SOX5: variants seen among roughly 807,000 people sequenced by gnomAD.
SOX5 encodes transcription factor SOX-5.
A neutral mutation model predicts 92.0 loss-of-function variants in SOX5; 9 were observed. That is an observed-to-expected ratio of 0.10 (90% confidence interval 0.06 to 0.17). SOX5 has a LOEUF of 0.17. Among genes scored for constraint, SOX5 ranks in the 10% least tolerant of loss-of-function variants. The pLI is 1.00. For missense variants in SOX5, 642 were observed against 944.5 expected, an observed-to-expected ratio of 0.68 and a Z score of 4.20; for synonymous variants, 344 against 336.3, an observed-to-expected ratio of 1.02 and a Z score of -0.25.
In SOX5 at chr12:23,702,036, T is replaced by C. The variant is rs149128099; in HGVS notation, c.810+32648A>G. Among the ~76,000 whole-genome samples the C allele has an allele frequency of 5.9e-3, 905 of 152,196 alleles. 8 individuals are homozygous for C. The highest frequency in any genetic ancestry group is 0.023 in the South Asian group (111 of 4,824). On this transcript the variant is annotated intron_variant, in intron 6 of 14. Coordinates refer to ENST00000451604, the MANE Select transcript of SOX5 (RefSeq NM_006940.6). ...GCTAAAATATGAAGAAAGATTTACC[T>C]CATAGAATACAGAGCTGAAAGTCTA...
chr12:23,642,570 T>C (rs979975968), intron 7 of SOX5, among the ~76,000 whole-genome samples: 1 of 152,210 alleles, frequency 6.6e-6, no homozygotes, highest in Non-Finnish European at 1.5e-5. Context: ...AGTCCCTGTA[T>C]TGCTGAAGTA....
At chr12:24,154,002 T>C (rs766603499) in intron 4 of SOX5, among the ~76,000 whole-genome samples, 20 of 152,110 alleles carry the variant, frequency 1.3e-4, no homozygotes, top group Admixed American at 4.6e-4. Context: ...ACATTCCATC[T>C]TTCATCCCAT....
intron 2 of SOX5, among the ~76,000 whole-genome samples, chr12:24,348,689 T>A (rs1595820802): frequency 6.6e-6 from 1 of 152,126 alleles, no homozygotes; most frequent in Admixed American, 6.6e-5. Flanking sequence ...CAGCCTGCTC[T>A]GTTGACTTCT....
At chr12:23,914,946 T>C (rs767326445) in intron 1 of SOX5, among the ~76,000 whole-genome samples, 4 of 152,100 alleles carry the variant, frequency 2.6e-5, no homozygotes, top group Admixed American at 1.3e-4. Flanking sequence ...ATATTACTCA[T>C]TTTTCAATCT....
chr12:23,957,145 A>G (rs73283609), intron 4 of SOX5, among the ~76,000 whole-genome samples: 11,284 of 152,176 alleles, frequency 0.074, 813 homozygotes, highest in East Asian at 0.28. Flanking sequence ...TTGACAGTTT[A>G]TTTTGGCCTT....
chr12:23,583,378 T>C (rs7966026), intron 9 of SOX5, among the ~76,000 whole-genome samples: 8,477 of 152,162 alleles, frequency 0.056, 341 homozygotes, highest in South Asian at 0.095. Flanking sequence ...AACCCACTCA[T>C]AGAAATTCCA....
At chr12:24,520,011 G>C (rs1018945318) in intron 1 of SOX5, among the ~76,000 whole-genome samples, 4 of 151,562 alleles carry the variant, frequency 2.6e-5, no homozygotes, top group East Asian at 1.9e-4. Context: ...GGCCAGGAGA[G>C]AGTGAAACAA....
intron 1 of SOX5, among the ~76,000 whole-genome samples, chr12:23,902,091 G>A (rs1198144272): frequency 1.3e-5 from 2 of 151,964 alleles, no homozygotes; most frequent in Admixed American, 1.3e-4. Flanking sequence ...TTACCAATAA[G>A]CACTACATAG....
At chr12:23,682,627 T>C (rs947047529) in intron 6 of SOX5, among the ~76,000 whole-genome samples, 3 of 151,800 alleles carry the variant, frequency 2.0e-5, no homozygotes, top group Non-Finnish European at 4.4e-5. Flanking sequence ...TTGAAGCCAC[T>C]ATGTTTTTTA....
chr12:24,187,654 C>T (rs1417678301), intron 4 of SOX5, among the ~76,000 whole-genome samples: 2 of 152,212 alleles, frequency 1.3e-5, no homozygotes, highest in African/African-American at 2.4e-5. Context: ...CACTCTTTCT[C>T]TGAATCTATT....
intron 4 of SOX5, among the ~76,000 whole-genome samples, chr12:24,011,421 T>G (rs781478625): frequency 2.6e-4 from 39 of 152,216 alleles, no homozygotes; most frequent in Non-Finnish European, 4.9e-4. Context: ...GATGAGCCCA[T>G]TGTGACTAAA....
chr12:23,655,072 G>A (rs1037298685), intron 7 of SOX5, among the ~76,000 whole-genome samples: 10 of 152,002 alleles, frequency 6.6e-5, no homozygotes, highest in Non-Finnish European at 1.5e-5. Context: ...TTTAGAAAGA[G>A]ATTAATTTAT....
intron 4 of SOX5, among the ~76,000 whole-genome samples, chr12:24,155,820 C>A (rs180875015): frequency 2.0e-5 from 3 of 152,248 alleles, no homozygotes; most frequent in Admixed American, 2.0e-4. Flanking sequence ...GGAAGGAGGG[C>A]AGGCCTGCAC....
chr12:23,584,400 A>G (rs1419379054), intron 9 of SOX5: 1 of 648,368 alleles, frequency 1.5e-6, no homozygotes, highest in Non-Finnish European at 2.8e-6. Context: ...ATCTTTGAAA[A>G]GTTTGGTCTG....
At chr12:24,057,272 TA>T (rs1958231644) in intron 4 of SOX5, among the ~76,000 whole-genome samples, 1 of 152,064 alleles carries the variant, frequency 6.6e-6, no homozygotes. Flanking sequence ...AAAGCAAATG[TA>T]AACTAAAACT....
chr12:23,592,313 C>T (rs1216786092), intron 9 of SOX5, among the ~76,000 whole-genome samples: 1 of 152,054 alleles, frequency 6.6e-6, no homozygotes, highest in East Asian at 1.9e-4. Context: ...GATGTCTGAT[C>T]CTCATCTTTT....
intron 2 of SOX5, among the ~76,000 whole-genome samples, chr12:24,335,267 C>CT (rs1199864502): frequency 2.5e-5 from 2 of 79,694 alleles, no homozygotes; most frequent in Admixed American, 2.7e-4. Context: ...TTCAGAGGGG[C>CT]CCAAAAAAAC....
chr12:24,002,640 G>C (rs73072104), intron 4 of SOX5, among the ~76,000 whole-genome samples: 2,620 of 143,330 alleles, frequency 0.018, 49 homozygotes, highest in South Asian at 0.03. Flanking sequence ...CATTTTTATA[G>C]GGAGTATGTT....
chr12:23,786,971 T>G (rs1420350645), intron 3 of SOX5, among the ~76,000 whole-genome samples: 2 of 145,682 alleles, frequency 1.4e-5, no homozygotes, highest in Admixed American at 6.7e-5. Flanking sequence ...GGAGAACTAT[T>G]GATATTACCC....
Sources: allele counts gnomAD v4.1 joint callset (sites outside exome capture counted in the v4.1 genomes callset), GRCh38; gene constraint gnomAD v4.1.1; transcripts MANE v1.5; gene names NCBI Gene and HGNC (gene_info 2026-07-23, HGNC 2026-07-21).